SLC35E1: variants seen among roughly 807,000 people sequenced by gnomAD.
SLC35E1 encodes solute carrier family 35 member E1.
Under a neutral mutation model 31.0 loss-of-function variants are expected in SLC35E1, and 12 were observed. The ratio of observed to expected loss-of-function variants is 0.39; its 90% CI spans 0.25 to 0.63. The LOEUF is 0.63. Ranked by LOEUF, SLC35E1 falls within the 20% of genes least tolerant of loss-of-function variation. The pLI is 0.52. For missense variants in SLC35E1, 429 were observed against 572.2 expected (o/e 0.75, Z 2.55); for synonymous variants, 257 against 264.1 (o/e 0.97, Z 0.26).
At chr19:16,569,731 G>A (rs151050986) in intron 2 of SLC35E1, among the ~76,000 whole-genome samples, 210 of 152,274 alleles carry the variant, frequency 1.4e-3, no homozygotes, top group African/African-American at 4.4e-3. Context: ...CTGCAATCCC[G>A]GCTACTCGGG....
At chr19:16,561,848 G>A (rs1174835764) in intron 4 of SLC35E1, among the ~76,000 whole-genome samples, 3 of 152,228 alleles carry the variant, frequency 2.0e-5, no homozygotes, top group East Asian at 3.9e-4. Context: ...TGAATATGGT[G>A]TATGCCTAGG....
Position 16,553,868 on chromosome 19 carries a change from G to T in SLC35E1, c.1044C>A (p.Leu348=). 3 of 1,613,066 alleles carry T rather than the reference G, an allele frequency of 1.9e-6. No individual in the cohort carries two copies. The highest frequency in any genetic ancestry group is 2.5e-6 in the Non-Finnish European group (3 of 1,179,380). Residue 348 remains leucine (L), a synonymous_variant, in exon 6 of 6, where the codon CTC becomes CTA. Coordinates refer to ENST00000595753, the MANE Select transcript of SLC35E1 (RefSeq NM_024881.5). ...DANQQARKHL[L]PVTTADLSSK... is the part of the protein sequence containing the mutation. ...TGCTCAGGTCTGCTGTGGTGACGGGGAGGAGGTGCTTCCTGGCTTGCTGGT... is the reference window on the plus strand; with the variant it reads ...TGCTCAGGTCTGCTGTGGTGACGGGTAGGAGGTGCTTCCTGGCTTGCTGGT...
intron 4 of SLC35E1, among the ~76,000 whole-genome samples, chr19:16,563,317 G>A (rs10164321): frequency 0.022 from 3,307 of 147,416 alleles, 129 homozygotes; most frequent in African/African-American, 0.078. Flanking sequence ...GAAAAACTCC[G>A]TCTCAAAAAA....
At position 16,555,141 on chromosome 19, in the gene SLC35E1, C is replaced by T; in HGVS notation, c.1002+11G>A. 1 of 1,613,978 alleles carries T rather than the reference C, an allele frequency of 6.2e-7. No homozygotes were observed. Among genetic ancestry groups the T allele is most frequent in the Non-Finnish European group, 8.5e-7 (1 of 1,179,958 alleles). ...CGGCTTCCTTCCCTGCCCAGCCTCT[C>T]AGACTCTCACCTTGTTATAGAGGAA... On this transcript the variant is annotated intron_variant, in intron 5 of 5. Coordinates refer to ENST00000595753, the MANE Select transcript of SLC35E1 (RefSeq NM_024881.5). The surrounding 1 kb of genome is among the most constrained non-coding windows in gnomAD (Gnocchi z 4.1).
chr19:16,557,198 A>ATTT, intron 4 of SLC35E1: 3 of 269,482 alleles, frequency 1.1e-5, no homozygotes, highest in East Asian at 9.8e-5. Flanking sequence ...AATTCCAGGC[A>ATTT]TTTTTTTTTT....
In SLC35E1 at chr19:16,553,670, C is replaced by T; in HGVS notation, c.*9G>A. 1.3e-6 allele frequency: 2 copies of T among 1,511,142 alleles called. No homozygotes were observed. The highest frequency in any genetic ancestry group is 1.8e-6 in the Non-Finnish European group (2 of 1,122,048). 93.6% of individuals were successfully genotyped at this position (1,511,142 alleles called of 1,614,324 possible). ...GAGTCACCAACAGTCTGGTCCTGTC[C>T]TTTGGACTCTACACATCATAGCGGT... On this transcript the variant is annotated 3_prime_UTR_variant, in exon 6 of 6. Transcript: ENST00000595753.
In SLC35E1 at chr19:16,571,902, GCGGGCCCGGCCGCCGCCCCCGAGGC is replaced by G; in HGVS notation, c.421+17_421+41del. On this transcript the variant is annotated intron_variant, in intron 1 of 5. Transcript: ENST00000595753. ...TATCCATGCGCCCAAACCCGAAGCG[GCGGGCCCGGCCGCCGCCCCCGAGGC>G]CGGGCGCGGAACCTACCGGTGTGTG... The G allele has an allele frequency of 6.6e-7, 1 of 1,521,734 alleles. No homozygotes were observed. The highest frequency in any genetic ancestry group is 8.8e-7 in the Non-Finnish European group (1 of 1,132,800). 94.3% of individuals were successfully genotyped at this position (1,521,734 alleles called of 1,614,324 possible).
Position 16,571,681 on chromosome 19 carries a change from C to T in SLC35E1, c.422-99G>A, listed in dbSNP as rs1472842576. ...GATGGGAGGGCCTGGCAGCCCCTCA[C>T]ACCTCTTCGCCCCTTCTCTTTCGGT... On this transcript the variant is annotated intron_variant, in intron 1 of 5. Transcript: ENST00000595753. The T allele has an allele frequency of 3.1e-6, 4 of 1,295,836 alleles. No individual in the cohort carries two copies. In the African/African-American group the frequency reaches 4.4e-5, roughly 14 times the overall value. 80.3% of individuals were successfully genotyped at this position (1,295,836 alleles called of 1,614,324 possible).
intron 4 of SLC35E1, among the ~76,000 whole-genome samples, chr19:16,561,825 A>G (rs2085907932): frequency 6.6e-6 from 1 of 152,240 alleles, no homozygotes; most frequent in Non-Finnish European, 1.5e-5. Flanking sequence ...CCATCTTCAG[A>G]CTGCAACATT....
At position 16,572,273 on chromosome 19, in the gene SLC35E1, GCCACCCGCGCGCCCTCGCGCGCC is replaced by G; in HGVS notation, c.69_91del (p.Ala24GlyfsTer156). On this transcript the variant is annotated frameshift_variant, in exon 1 of 6. Transcript: ENST00000595753. LOFTEE classifies it high-confidence loss of function. This position sits in a 1 kb window ranked among gnomAD's most constrained non-coding sequence, Gnocchi z 4.1. Reference sequence around the variant, plus strand: ...CGCGTACCACAGCAGGCACAGCGCCGCCACCCGCGCGCCCTCGCGCGCCCCACCACTGCTGCTCGCTGCGCCCG... The same window carrying G: ...CGCGTACCACAGCAGGCACAGCGCCGCCACCACTGCTGCTCGCTGCGCCCG... 6.7e-7 allele frequency: 1 copy of G among 1,497,910 alleles called. No individual in the cohort carries two copies. The highest frequency in any genetic ancestry group is 8.9e-7 in the Non-Finnish European group (1 of 1,122,402). The allele number at this position is 1,497,910 out of a possible 1,614,324, so 92.8% of individuals were successfully genotyped here. A position where few individuals can be genotyped will look rare whatever the true frequency, so the allele number is the denominator to read the frequency against.
intron 2 of SLC35E1, 31 bp from the exon 3 acceptor site, chr19:16,568,200 C>A: frequency 6.3e-7 from 1 of 1,592,360 alleles, no homozygotes; most frequent in Non-Finnish European, 8.5e-7. Context: ...GAAGGGCTCA[C>A]AGGCCAGACT....
At chr19:16,566,840 A>C (rs1003800449) in intron 3 of SLC35E1, among the ~76,000 whole-genome samples, 183 bp from the exon 4 acceptor site, 2 of 152,254 alleles carry the variant, frequency 1.3e-5, no homozygotes, top group African/African-American at 4.8e-5. Flanking sequence ...ACCATGCTCC[A>C]CGCATAAACG....
intron 4 of SLC35E1, among the ~76,000 whole-genome samples, chr19:16,560,206 G>A (rs2085897669): frequency 6.6e-6 from 1 of 152,120 alleles, no homozygotes; most frequent in South Asian, 2.1e-4. Flanking sequence ...GATTCCATGG[G>A]CGACTTTATG....
At position 16,549,942 on chromosome 19, in the gene SLC35E1, T is replaced by C. The variant is rs544226246; in HGVS notation, c.*3737A>G. The stretch of plus-strand genomic sequence containing the variant: ...TTAAGTCTTGAAAACAGGTGACAAT[T>C]GAAAAACATTATAATATTTTCAGGT... On this transcript the variant is annotated 3_prime_UTR_variant, in exon 6 of 6. Coordinates refer to ENST00000595753, the MANE Select transcript of SLC35E1 (RefSeq NM_024881.5). 2 of 152,320 alleles carry C rather than the reference T, an allele frequency of 1.3e-5. No homozygotes were observed. Among genetic ancestry groups the C allele is most frequent in the South Asian group, 4.1e-4 (2 of 4,828 alleles). The allele number at this position is 152,320 out of a possible 1,614,324, so 9.4% of individuals were successfully genotyped here. A position where few individuals can be genotyped will look rare whatever the true frequency, so the allele number is the denominator to read the frequency against.
At chr19:16,560,073 T>C (rs2085896894) in intron 4 of SLC35E1, among the ~76,000 whole-genome samples, 1 of 152,110 alleles carries the variant, frequency 6.6e-6, no homozygotes, top group South Asian at 2.1e-4. Flanking sequence ...CTGTCCTGAG[T>C]CTGTGCCGCC....
chr19:16,569,028 C>CTT (rs946440031), intron 2 of SLC35E1, among the ~76,000 whole-genome samples: 4 of 142,602 alleles, frequency 2.8e-5, no homozygotes, highest in Non-Finnish European at 1.5e-5. Context: ...TCCACTCACT[C>CTT]TTTTTTTTTT....
At chr19:16,570,646 T>C (rs934736412) in intron 2 of SLC35E1, among the ~76,000 whole-genome samples, 2 of 152,208 alleles carry the variant, frequency 1.3e-5, no homozygotes, top group African/African-American at 4.8e-5. Flanking sequence ...TATGCAGCCC[T>C]GAGTCCTGTG....
chr19:16,557,711 G>A (rs1037292819), intron 4 of SLC35E1, among the ~76,000 whole-genome samples: 1 of 152,260 alleles, frequency 6.6e-6, no homozygotes, highest in Non-Finnish European at 1.5e-5. Context: ...TTCACTCAGT[G>A]TGGCAACTCT....
chr19:16,566,655 G>A lies in SLC35E1; in HGVS notation c.633C>T (p.Val211=), dbSNP rs985160825. 14 of 1,611,506 alleles carry A rather than the reference G, an allele frequency of 8.7e-6. No homozygotes were observed. Among genetic ancestry groups the A allele is most frequent in the Non-Finnish European group, 1.1e-5 (13 of 1,179,736 alleles). The change falls in exon 4 of 6, where the codon GTC becomes GTT. Residue 211 remains valine, a splice_region_variant and synonymous_variant. Transcript: ENST00000595753. Reference sequence around the variant, plus strand: ...GATGGTGGATCCGTGAATCTCGCAAGACCTGGAAAGGGAAAGCCTCTTTAG... The same window carrying A: ...GATGGTGGATCCGTGAATCTCGCAAAACCTGGAAAGGGAAAGCCTCTTTAG... ...FSLQNIFSKK[V]LRDSRIHHLR... is the part of the protein sequence containing the mutation.
Sources: gnomAD v4.1 joint callset for allele counts (sites outside exome capture counted in the v4.1 genomes callset) on GRCh38, gnomAD v4.1.1 for gene constraint, Gnocchi (gnomAD v3.1) non-coding constraint, MANE v1.5 for transcripts, NCBI Gene and HGNC (gene_info 2026-07-23, HGNC 2026-07-21) for gene names.